Variants in ANKHD1 observed in about 807,000 individuals in gnomAD.
ANKHD1 encodes the protein ankyrin repeat and KH domain containing 1.
In ANKHD1, 31 loss-of-function variants were observed where a neutral mutation model predicts 230.5. The observed-to-expected ratio is 0.13, with a 90% CI of 0.10 to 0.18. The LOEUF is 0.18. Ranked by LOEUF, ANKHD1 falls within the 10% of genes least tolerant of loss-of-function variation. ANKHD1 has a pLI of 1.00. For synonymous variants in ANKHD1, 1,074 were observed against 1,117.6 expected, an observed-to-expected ratio of 0.96 and a Z score of 0.78; for missense variants, 2,256 against 3,071.3, an observed-to-expected ratio of 0.73 and a Z score of 6.27.
In ANKHD1 at chr5:140,501,835, T is replaced by C. The variant is rs183482017; in HGVS notation, c.3005-2986T>C. ...TAGATTTATTATCTTCCATATTGCC[T>C]ACAAAACTTTCTTCAACTTCATAAA... On this transcript the variant is annotated intron_variant, in intron 15 of 33. Coordinates refer to ENST00000360839, the MANE Select transcript of ANKHD1 (RefSeq NM_017747.3). Among the ~76,000 whole-genome samples the C allele has an allele frequency of 8.5e-5, 13 of 152,228 alleles. No homozygotes were observed. The East Asian group carries it at 2.5e-3, about 29-fold the overall frequency.
At chr5:140,434,676 A>C (rs1254147589) in intron 1 of ANKHD1, among the ~76,000 whole-genome samples, 1 of 151,688 alleles carries the variant, frequency 6.6e-6, no homozygotes, top group Non-Finnish European at 1.5e-5. Context: ...TGCTTCAAAA[A>C]CTTTTTTTTT....
chr5:140,417,586 G>A (rs1053709343), intron 1 of ANKHD1, among the ~76,000 whole-genome samples: 4 of 151,710 alleles, frequency 2.6e-5, no homozygotes, highest in African/African-American at 9.7e-5. Flanking sequence ...GTATAGCTGG[G>A]ACTATAGGTG....
At chr5:140,433,060 C>A (rs1417618556) in intron 1 of ANKHD1, among the ~76,000 whole-genome samples, 1 of 150,618 alleles carries the variant, frequency 6.6e-6, no homozygotes, top group East Asian at 1.9e-4. Context: ...CCCTTCCCCC[C>A]CCCAAAAAAA....
intron 24 of ANKHD1, among the ~76,000 whole-genome samples, chr5:140,515,294 A>AG (rs1752949651): frequency 6.6e-6 from 1 of 152,058 alleles, no homozygotes; most frequent in Non-Finnish European, 1.5e-5. Context: ...AAAAAAAAAA[A>AG]TCCCATTTTA....
chr5:140,429,285 G>A (rs1772831885), intron 1 of ANKHD1, among the ~76,000 whole-genome samples: 1 of 151,042 alleles, frequency 6.6e-6, no homozygotes, highest in Non-Finnish European at 1.5e-5. Context: ...GTAAAGACGG[G>A]GTTTCACCAT....
chr5:140,448,701 T>C (rs1408733507), intron 6 of ANKHD1, among the ~76,000 whole-genome samples: 3 of 152,240 alleles, frequency 2.0e-5, no homozygotes, highest in Non-Finnish European at 2.9e-5. Context: ...TCATTTCATA[T>C]CTGTCACCCA....
chr5:140,452,190 C>T (rs1365533987), intron 7 of ANKHD1, among the ~76,000 whole-genome samples: 1 of 152,188 alleles, frequency 6.6e-6, no homozygotes, highest in East Asian at 1.9e-4. Context: ...CCCACCATTG[C>T]TGAGGCTTAA....
At chr5:140,402,385 G>A (rs1008793629) in intron 1 of ANKHD1, 112 bp downstream of exon 1, 2 of 1,348,560 alleles carry the variant, frequency 1.5e-6, no homozygotes, top group Non-Finnish European at 1.9e-6. Flanking sequence ...TTCTGTGACA[G>A]CGGTCGGCTC....
At chr5:140,530,129 A>G (rs1753747864) in intron 29 of ANKHD1, among the ~76,000 whole-genome samples, 1 of 152,098 alleles carries the variant, frequency 6.6e-6, no homozygotes, top group Admixed American at 6.5e-5. Context: ...GCACAAGTTC[A>G]TAATTTACAT....
chr5:140,437,047 C>G (rs1354054749), intron 2 of ANKHD1, among the ~76,000 whole-genome samples: 1 of 152,160 alleles, frequency 6.6e-6, no homozygotes, highest in Non-Finnish European at 1.5e-5. Context: ...TACTTCTAGA[C>G]TTTTCCCCTT....
intron 15 of ANKHD1, among the ~76,000 whole-genome samples, chr5:140,501,943 T>G (rs1752324603): frequency 6.6e-6 from 1 of 151,884 alleles, no homozygotes; most frequent in African/African-American, 2.4e-5. Flanking sequence ...ACTCTGCACC[T>G]GTAATCCTAG....
intron 10 of ANKHD1, among the ~76,000 whole-genome samples, chr5:140,466,495 AT>A (rs200097025): frequency 2.8e-3 from 430 of 152,282 alleles, no homozygotes; most frequent in African/African-American, 9.6e-3. Context: ...CCAAGTTAAT[AT>A]CTGTTACATT....
intron 33 of ANKHD1, 95 bp downstream of exon 33, chr5:140,539,178 A>G: frequency 2.0e-6 from 3 of 1,516,490 alleles, no homozygotes; most frequent in Non-Finnish European, 2.6e-6. Context: ...AAAAGTCATA[A>G]TTGACCATTT....
intron 24 of ANKHD1, among the ~76,000 whole-genome samples, chr5:140,519,136 C>G (rs918846794): frequency 6.6e-6 from 1 of 151,462 alleles, no homozygotes; most frequent in African/African-American, 2.4e-5. Context: ...TTCTTATACA[C>G]CAACAACAGA....
In ANKHD1 at chr5:140,539,768, T is replaced by G. The variant is rs1268708454; in HGVS notation, c.*350T>G. 2.7e-5 allele frequency: 5 copies of G among 182,244 alleles called. No individual in the cohort carries two copies. The highest frequency in any genetic ancestry group is 1.2e-5 in the Non-Finnish European group (1 of 86,918). The allele number at this position is 182,244 out of a possible 1,614,324, so 11.3% of individuals were successfully genotyped here. Reference sequence around the variant, plus strand: ...AAAAGGAAAAAGTTGAGTAAATTTCTTGTCATATAGTGGCTCTACGTAATG... The same window carrying G: ...AAAAGGAAAAAGTTGAGTAAATTTCGTGTCATATAGTGGCTCTACGTAATG... On this transcript the variant is annotated 3_prime_UTR_variant, in exon 34 of 34. Coordinates refer to ENST00000360839, the MANE Select transcript of ANKHD1 (RefSeq NM_017747.3).
At chr5:140,422,971 G>A (rs925555369) in intron 1 of ANKHD1, among the ~76,000 whole-genome samples, 1 of 151,780 alleles carries the variant, frequency 6.6e-6, no homozygotes, top group Middle Eastern at 3.4e-3. Context: ...TACCTCCTGG[G>A]TTCAAGCAAT....
chr5:140,472,223 C>G, intron 10 of ANKHD1: 1 of 1,610,904 alleles, frequency 6.2e-7, no homozygotes, highest in Non-Finnish European at 8.5e-7. Context: ...GTGAGTTCTT[C>G]TTTTTCCTTT....
At chr5:140,518,186 A>G (rs945418021) in intron 24 of ANKHD1, among the ~76,000 whole-genome samples, 2 of 152,204 alleles carry the variant, frequency 1.3e-5, no homozygotes, top group African/African-American at 4.8e-5. Context: ...TAGAAAATCT[A>G]GAAGAAATGG....
At chr5:140,441,812 G>A (rs1230303850) in intron 5 of ANKHD1, among the ~76,000 whole-genome samples, 4 of 151,792 alleles carry the variant, frequency 2.6e-5, no homozygotes, top group Admixed American at 2.6e-4. Flanking sequence ...AGAAAAATAT[G>A]TTAATTTGTT....
Sources: allele counts gnomAD v4.1 joint callset (sites outside exome capture counted in the v4.1 genomes callset), GRCh38; gene constraint gnomAD v4.1.1; transcripts MANE v1.5; gene names NCBI Gene and HGNC (gene_info 2026-07-23, HGNC 2026-07-21).